The following SLC9A9 variants were observed in gnomAD, a reference collection of about 807,000 sequenced individuals.
SLC9A9 encodes sodium/hydrogen exchanger 9.
Under a neutral mutation model 77.8 loss-of-function variants are expected in SLC9A9, and 62 were observed. The observed-to-expected ratio is 0.80, with a 90% CI of 0.65 to 0.98. The LOEUF (loss-of-function observed/expected upper bound fraction) is 0.98, where lower values mean the gene tolerates loss of function less well. Among genes scored for constraint, SLC9A9 ranks in the 50% least tolerant of loss-of-function variants. The pLI is 0.00. For synonymous variants in SLC9A9, 320 were observed against 283.5 expected (o/e 1.13, Z -1.29); for missense variants, 775 against 774.9 (o/e 1.00, Z 0.00).
At chr3:143,285,142 G>T (rs1014678774) in intron 14 of SLC9A9, among the ~76,000 whole-genome samples, 1 of 152,052 alleles carries the variant, frequency 6.6e-6, no homozygotes. Flanking sequence ...CGTCAGGTTT[G>T]TCACATAGGT....
At chr3:143,590,057 C>A (rs2037620224) in intron 6 of SLC9A9, among the ~76,000 whole-genome samples, 1 of 152,176 alleles carries the variant, frequency 6.6e-6, no homozygotes, top group African/African-American at 2.4e-5. Flanking sequence ...GGAGACCTCT[C>A]CTCTATATTG....
intron 6 of SLC9A9, among the ~76,000 whole-genome samples, chr3:143,642,475 A>G (rs1353389024): frequency 6.6e-6 from 1 of 152,246 alleles, no homozygotes; most frequent in Non-Finnish European, 1.5e-5. Flanking sequence ...CTGTTGCTCA[A>G]ATAGACTCTT....
chr3:143,578,017 A>C (rs1413500924), intron 7 of SLC9A9, among the ~76,000 whole-genome samples: 1 of 152,180 alleles, frequency 6.6e-6, no homozygotes, highest in Non-Finnish European at 1.5e-5. Context: ...TAACAACAAC[A>C]AAAAGGAATC....
At position 143,798,452 on chromosome 3, in the gene SLC9A9, CA is replaced by C. The variant is rs536838651; in HGVS notation, c.379-1550del. On this transcript the variant is annotated intron_variant, in intron 2 of 15. Transcript: ENST00000316549. ...GCTTTGGCTGCCCAGAGCTGCTCCCCACACCCTTCTCCATGTCTCTACCCTT... is the reference window on the plus strand; with the variant it reads ...GCTTTGGCTGCCCAGAGCTGCTCCCCCACCCTTCTCCATGTCTCTACCCTT... Among the ~76,000 whole-genome samples, 14 of 152,260 alleles carry C rather than the reference CA, an allele frequency of 9.2e-5. 1 individual carries two copies. The South Asian group carries it at 2.7e-3, about 29-fold the overall frequency.
chr3:143,401,934 G>GTTCAGAAGAGTTCAGAAGAGTTCTCA (rs1237102370), intron 12 of SLC9A9, among the ~76,000 whole-genome samples: 10 of 152,272 alleles, frequency 6.6e-5, no homozygotes, highest in Admixed American at 2.0e-4. Context: ...CTTTCTAGAA[G>GTTCAGAAGAGTTCAGAAGAGTTCTCA]CTGAAATTCT....
chr3:143,659,930 C>A (rs556326444), intron 5 of SLC9A9, among the ~76,000 whole-genome samples: 3 of 152,134 alleles, frequency 2.0e-5, no homozygotes, highest in Non-Finnish European at 4.4e-5. Flanking sequence ...GCAAGTCTCA[C>A]GAGCTCTGAG....
intron 4 of SLC9A9, 34 bp downstream of exon 4, chr3:143,794,967 G>C: frequency 6.3e-7 from 1 of 1,593,698 alleles, no homozygotes; most frequent in South Asian, 1.1e-5. Flanking sequence ...AGACCCCACA[G>C]CCACCTGCAA....
intron 14 of SLC9A9, among the ~76,000 whole-genome samples, chr3:143,361,502 A>G (rs1172269624): frequency 6.6e-6 from 1 of 152,200 alleles, no homozygotes; most frequent in Non-Finnish European, 1.5e-5. Context: ...CTCTAAAATA[A>G]CAGATATATT....
intron 6 of SLC9A9, among the ~76,000 whole-genome samples, chr3:143,650,310 G>A (rs1486402870): frequency 6.6e-6 from 1 of 152,236 alleles, no homozygotes; most frequent in African/African-American, 2.4e-5. Flanking sequence ...GGTTGGCAGA[G>A]AGTGTGTGGA....
chr3:143,619,460 A>T (rs1199243471), intron 6 of SLC9A9, among the ~76,000 whole-genome samples: 1 of 152,234 alleles, frequency 6.6e-6, no homozygotes, highest in East Asian at 1.9e-4. Context: ...TTTACATTGT[A>T]TACATAATGC....
In SLC9A9 at chr3:143,544,003, T is replaced by C. The variant is rs563789974; in HGVS notation, c.1089+8359A>G. ...AACTAATTTACATTCCCATCAGCAG[T>C]GTATGAGTTCTCTTTTTCTCTACAG... On this transcript the variant is annotated intron_variant, in intron 9 of 15. Coordinates refer to ENST00000316549, the MANE Select transcript of SLC9A9 (RefSeq NM_173653.4). 3.8e-4 allele frequency among the ~76,000 whole-genome samples: 58 copies of C among 152,220 alleles called. No homozygotes were observed. In the South Asian group the frequency reaches 3.9e-3, roughly 10 times the overall value.
intron 4 of SLC9A9, among the ~76,000 whole-genome samples, chr3:143,779,300 C>T (rs923796030): frequency 2.0e-5 from 3 of 152,022 alleles, no homozygotes; most frequent in Admixed American, 6.6e-5. Context: ...TATTCTTTTC[C>T]ATTTGACAAA....
chr3:143,519,596 C>T (rs2036261721), intron 9 of SLC9A9, among the ~76,000 whole-genome samples: 1 of 152,064 alleles, frequency 6.6e-6, no homozygotes, highest in Non-Finnish European at 1.5e-5. Context: ...GCTTTAACAC[C>T]ATCATTCTAG....
intron 6 of SLC9A9, among the ~76,000 whole-genome samples, chr3:143,636,454 AT>A (rs1207645616): frequency 6.6e-6 from 1 of 151,934 alleles, no homozygotes; most frequent in African/African-American, 2.4e-5. Flanking sequence ...TTTTATTTTG[AT>A]TTTCCCAGTT....
chr3:143,509,999 C>A (rs6792226), intron 9 of SLC9A9, among the ~76,000 whole-genome samples: 1 of 151,986 alleles, frequency 6.6e-6, no homozygotes, highest in South Asian at 2.1e-4. Flanking sequence ...AAGAGCCATG[C>A]TTGTTCCAAA....
intron 4 of SLC9A9, among the ~76,000 whole-genome samples, chr3:143,727,290 C>T (rs1395486203): frequency 1.3e-5 from 2 of 152,052 alleles, no homozygotes; most frequent in Non-Finnish European, 2.9e-5. Flanking sequence ...AAGATGAGCT[C>T]TGCCAGCCAT....
At position 143,811,773 on chromosome 3, in the gene SLC9A9, A is replaced by C. The variant is rs1389564383; in HGVS notation, c.379-14870T>G. 6.6e-6 allele frequency: 3 copies of C among 452,170 alleles called. No individual in the cohort carries two copies. In the Admixed American group the frequency reaches 7.1e-5, roughly 11 times the overall value. The allele number at this position is 452,170 out of a possible 1,614,324, so 28.0% of individuals were successfully genotyped here. A position where few individuals can be genotyped will look rare whatever the true frequency, so the allele number is the denominator to read the frequency against. On this transcript the variant is annotated intron_variant, in intron 2 of 15. Coordinates refer to ENST00000316549, the MANE Select transcript of SLC9A9 (RefSeq NM_173653.4). Reference sequence around the variant, plus strand: ...GCTACTCTGGAGTCTAAGGCACGAGAATCGCATGAACCCGGGAGGCAGAGG... The same window carrying C: ...GCTACTCTGGAGTCTAAGGCACGAGCATCGCATGAACCCGGGAGGCAGAGG...
chr3:143,650,245 A>G (rs913624488), intron 6 of SLC9A9, among the ~76,000 whole-genome samples: 6 of 152,362 alleles, frequency 3.9e-5, no homozygotes, highest in African/African-American at 1.2e-4. Context: ...ACTGAAAGCC[A>G]TAGAAAACCT....
At chr3:143,315,925 G>A (rs1002480509) in intron 14 of SLC9A9, among the ~76,000 whole-genome samples, 1 of 152,206 alleles carries the variant, frequency 6.6e-6, no homozygotes, top group Admixed American at 6.5e-5. Flanking sequence ...ATGTCAGCTG[G>A]GAAGGATCTT....
Sources: allele counts gnomAD v4.1 joint callset (sites outside exome capture counted in the v4.1 genomes callset), GRCh38; gene constraint gnomAD v4.1.1; transcripts MANE v1.5; gene names NCBI Gene and HGNC (gene_info 2026-07-23, HGNC 2026-07-21).